The following TRPC4 variants were observed in gnomAD, a reference collection of about 807,000 sequenced individuals.
The protein encoded by TRPC4 is transient receptor potential cation channel subfamily C member 4, also known as short transient receptor potential channel 4.
TRPC4 carries 49 observed loss-of-function variants against 99.4 expected under a neutral mutation model. That is an observed-to-expected ratio of 0.49 (90% CI 0.39 to 0.63). The LOEUF (loss-of-function observed/expected upper bound fraction) is 0.63. TRPC4 is among the 20% of genes least tolerant of loss of function. The pLI, the probability that TRPC4 is intolerant of heterozygous loss-of-function variation, is 0.00. For missense variants in TRPC4, 898 were observed against 1,152.9 expected (o/e 0.78, Z 3.20); for synonymous variants, 454 against 425.9 (o/e 1.07, Z -0.81).
At chr13:37,662,145 A>G (rs878971284) in intron 6 of TRPC4, among the ~76,000 whole-genome samples, 1 of 152,006 alleles carries the variant, frequency 6.6e-6, no homozygotes, top group Non-Finnish European at 1.5e-5. Flanking sequence ...CCCTATCTCT[A>G]CTAAAAATAC....
At chr13:37,674,080 C>G in intron 5 of TRPC4, 148 bp downstream of exon 5, 1 of 705,356 alleles carries the variant, frequency 1.4e-6, no homozygotes, top group Non-Finnish European at 2.1e-6. Context: ...ATTTTTATCC[C>G]TATATATCTA....
intron 2 of TRPC4, among the ~76,000 whole-genome samples, chr13:37,765,391 GC>G (rs1956335866): frequency 6.6e-6 from 1 of 151,336 alleles, no homozygotes; most frequent in South Asian, 2.1e-4. Flanking sequence ...AGTAACACTG[GC>G]AAAAGATTTA....
chr13:37,711,121 T>G (rs2138985164), intron 3 of TRPC4, among the ~76,000 whole-genome samples: 1 of 152,126 alleles, frequency 6.6e-6, no homozygotes, highest in South Asian at 2.1e-4. Context: ...ACTACATACC[T>G]TTTGCTTAAA....
At chr13:37,730,365 G>A (rs1468442128) in intron 3 of TRPC4, among the ~76,000 whole-genome samples, 1 of 151,764 alleles carries the variant, frequency 6.6e-6, no homozygotes. Context: ...CTGCTGTTAT[G>A]TTTTGTTTAT....
At chr13:37,861,617 G>A (rs528051706) in intron 1 of TRPC4, among the ~76,000 whole-genome samples, 2 of 151,634 alleles carry the variant, frequency 1.3e-5, no homozygotes, top group East Asian at 3.9e-4. Flanking sequence ...TTTTATTCAT[G>A]AAAGGGCAAA....
At position 37,693,023 on chromosome 13, in the gene TRPC4, T is replaced by C. The variant is rs9646098; in HGVS notation, c.898-688A>G. Among the ~76,000 whole-genome samples, 394 of 152,164 alleles carry C rather than the reference T, an allele frequency of 2.6e-3. 1 individual carries two copies. Among genetic ancestry groups the C allele is most frequent in the Admixed American group, 5.4e-3 (83 of 15,278 alleles). ...AAAACATTTCACAGACATGGCATCA[T>C]TCTATCCTGACAACATTTTTGTGAT... On this transcript the variant is annotated intron_variant, in intron 3 of 10. Transcript: ENST00000379705.
At chr13:37,818,996 A>T (rs904035755) in intron 1 of TRPC4, among the ~76,000 whole-genome samples, 3 of 151,984 alleles carry the variant, frequency 2.0e-5, no homozygotes, top group Admixed American at 6.6e-5. Context: ...AAAAATTTTT[A>T]AAAACCATTA....
intron 4 of TRPC4, among the ~76,000 whole-genome samples, chr13:37,680,757 C>T (rs940248202): frequency 6.6e-6 from 1 of 152,164 alleles, no homozygotes; most frequent in Non-Finnish European, 1.5e-5. Context: ...GATTCCAATC[C>T]AGAGGCTGTC....
chr13:37,667,500 T>C (rs1952685354), intron 5 of TRPC4, among the ~76,000 whole-genome samples: 1 of 152,068 alleles, frequency 6.6e-6, no homozygotes, highest in South Asian at 2.1e-4. Context: ...AGAGACGGGC[T>C]TTCACCACAA....
chr13:37,682,613 T>C (rs1488019395), intron 4 of TRPC4, among the ~76,000 whole-genome samples: 2 of 152,104 alleles, frequency 1.3e-5, no homozygotes, highest in African/African-American at 2.4e-5. Context: ...CAGGGCCTAC[T>C]AGGAGGCATC....
At chr13:37,718,835 G>T (rs1403234105) in intron 3 of TRPC4, among the ~76,000 whole-genome samples, 1 of 152,002 alleles carries the variant, frequency 6.6e-6, no homozygotes, top group East Asian at 1.9e-4. Context: ...AACAGAAAGA[G>T]AATGAGTCAG....
chr13:37,788,911 T>C (rs939067951), intron 1 of TRPC4, among the ~76,000 whole-genome samples: 1 of 152,138 alleles, frequency 6.6e-6, no homozygotes, highest in Non-Finnish European at 1.5e-5. Context: ...ATCATTTCTA[T>C]GTCTTACTGG....
intron 5 of TRPC4, among the ~76,000 whole-genome samples, chr13:37,667,505 C>T (rs146967907): frequency 6.0e-4 from 92 of 152,244 alleles, no homozygotes; most frequent in African/African-American, 2.1e-3. Flanking sequence ...CGGGCTTTCA[C>T]CACAATTGGC....
At chr13:37,682,203 G>A (rs968095599) in intron 4 of TRPC4, among the ~76,000 whole-genome samples, 12 of 152,102 alleles carry the variant, frequency 7.9e-5, no homozygotes, top group African/African-American at 2.9e-4. Context: ...CAACCTCCAG[G>A]GGTCTCTTAT....
rs147580023 is a variant in TRPC4, at chr13:37,858,105, G to T, written c.-28+11490C>A. Among the ~76,000 whole-genome samples the T allele has an allele frequency of 3.6e-3, 546 of 151,704 alleles. 4 individuals are homozygous for T. The highest frequency in any genetic ancestry group is 0.013 in the African/African-American group (535 of 41,490). ...ATAATCTGATCAAAAACAGGCAAAA[G>T]ATTTGAATAGATATTTCTCAGAAGA... On this transcript the variant is annotated intron_variant, in intron 1 of 10. Coordinates refer to ENST00000379705, the MANE Select transcript of TRPC4 (RefSeq NM_016179.4).
chr13:37,766,902 T>C (rs558120439), intron 2 of TRPC4, among the ~76,000 whole-genome samples: 20 of 151,524 alleles, frequency 1.3e-4, no homozygotes, highest in Admixed American at 1.2e-3. Flanking sequence ...GAGAAAGTAA[T>C]TTTACTCTAA....
chr13:37,824,533 T>C (rs1436552280), intron 1 of TRPC4, among the ~76,000 whole-genome samples: 1 of 152,058 alleles, frequency 6.6e-6, no homozygotes, highest in Non-Finnish European at 1.5e-5. Flanking sequence ...GAGATAATCA[T>C]GTGGTTTTTG....
intron 8 of TRPC4, among the ~76,000 whole-genome samples, chr13:37,647,374 G>A (rs934826451): frequency 5.3e-5 from 8 of 152,222 alleles, no homozygotes; most frequent in African/African-American, 1.9e-4. Context: ...GATAAGGGCA[G>A]AAGGTAAACC....
intron 2 of TRPC4, among the ~76,000 whole-genome samples, chr13:37,759,249 T>C (rs933263502): frequency 7.9e-5 from 12 of 151,954 alleles, no homozygotes; most frequent in Middle Eastern, 3.4e-3. Flanking sequence ...ATTCATCTCC[T>C]GTCATAACAA....
Sources: gnomAD v4.1 joint callset for allele counts (sites outside exome capture counted in the v4.1 genomes callset) on GRCh38, gnomAD v4.1.1 for gene constraint, MANE v1.5 for transcripts, NCBI Gene and HGNC (gene_info 2026-07-23, HGNC 2026-07-21) for gene names.